FBXO40: variants seen among roughly 807,000 people sequenced by gnomAD.
FBXO40 encodes the protein F-box protein 40, also known as F-box only protein 40.
Under a neutral mutation model 49.9 loss-of-function variants are expected in FBXO40, and 50 were observed. That is an observed-to-expected ratio of 1.00 (90% CI 0.80 to 1.27). The LOEUF (loss-of-function observed/expected upper bound fraction) is 1.27. Ranked by LOEUF, FBXO40 falls within the 50% of genes most tolerant of loss-of-function variation. FBXO40 has a pLI of 0.00. For synonymous variants in FBXO40, 340 were observed against 320.2 expected (o/e 1.06, Z -0.66); for missense variants, 895 against 870.1 (o/e 1.03, Z -0.36).
chr3:121,614,567 A>G (rs1560130391), intron 1 of FBXO40, among the ~76,000 whole-genome samples: 1 of 152,226 alleles, frequency 6.6e-6, no homozygotes, highest in Non-Finnish European at 1.5e-5. Flanking sequence ...CAGGCCAGCA[A>G]CAGAAAGCAC....
chr3:121,605,051 C>A (rs543289446), intron 1 of FBXO40, among the ~76,000 whole-genome samples: 75 of 152,156 alleles, frequency 4.9e-4, no homozygotes, highest in Admixed American at 1.1e-3. Flanking sequence ...CGGCTCACTG[C>A]AACCTCTACT....
chr3:121,599,703 CACAT>C (rs1368372691), intron 1 of FBXO40, among the ~76,000 whole-genome samples: 125 of 45,662 alleles, frequency 2.7e-3, no homozygotes, highest in African/African-American at 9.6e-3. Context: ...CACACACACA[CACAT>C]ATATATATAT....
intron 1 of FBXO40, among the ~76,000 whole-genome samples, chr3:121,616,710 G>A (rs2108849424): frequency 6.6e-6 from 1 of 152,318 alleles, no homozygotes; most frequent in Admixed American, 6.5e-5. Flanking sequence ...AATGTTTGTT[G>A]AGTGGGTGAA....
intron 1 of FBXO40, among the ~76,000 whole-genome samples, chr3:121,607,618 A>C (rs925427135): frequency 6.6e-6 from 1 of 151,922 alleles, no homozygotes; most frequent in African/African-American, 2.4e-5. Flanking sequence ...CGAGACCTCT[A>C]AAGCTCTTTT....
intron 1 of FBXO40, among the ~76,000 whole-genome samples, chr3:121,615,835 G>A (rs2048994688): frequency 6.6e-6 from 1 of 152,110 alleles, no homozygotes; most frequent in South Asian, 2.1e-4. Flanking sequence ...TGGTCAGCTT[G>A]GGATGTGGCT....
At chr3:121,595,609 A>G (rs1273835444) in intron 1 of FBXO40, among the ~76,000 whole-genome samples, 1 of 152,248 alleles carries the variant, frequency 6.6e-6, no homozygotes, top group Admixed American at 6.5e-5. Context: ...GTTTTAGGAT[A>G]CAGTGAAGGT....
chr3:121,626,963 G>A lies in FBXO40; in HGVS notation c.*53G>A. 3.2e-6 allele frequency: 5 copies of A among 1,559,526 alleles called. No individual in the cohort carries two copies. The highest frequency in any genetic ancestry group is 4.4e-6 in the Non-Finnish European group (5 of 1,133,776). On this transcript the variant is annotated 3_prime_UTR_variant, in exon 4 of 4. Coordinates refer to ENST00000338040, the MANE Select transcript of FBXO40 (RefSeq NM_016298.4). ...TCTTGGATTTCTTCTCGGAGTTCCTGAAGTAGGACAGAGTGTGTGGTTTTG... is the reference window on the plus strand; with the variant it reads ...TCTTGGATTTCTTCTCGGAGTTCCTAAAGTAGGACAGAGTGTGTGGTTTTG...
intron 1 of FBXO40, among the ~76,000 whole-genome samples, chr3:121,617,107 G>A (rs2108849575): frequency 6.6e-6 from 1 of 152,240 alleles, no homozygotes; most frequent in Admixed American, 6.5e-5. Flanking sequence ...AGAGTAGGGT[G>A]ACTATAGCTA....
chr3:121,604,067 A>G (rs181040593), intron 1 of FBXO40, among the ~76,000 whole-genome samples: 15 of 152,290 alleles, frequency 9.8e-5, no homozygotes, highest in African/African-American at 3.6e-4. Flanking sequence ...GGTTCCTCTA[A>G]CATATTTCCC....
chr3:121,621,584 C>CAGAG lies in FBXO40; in HGVS notation c.156_159dup (p.His54ArgfsTer56), dbSNP rs1439958581. ...GCCACCTTCCACATGTGCAAAGAGG[C>CAGAG]AGAGCACCAGCTCCTCTGCCCTTTA... On this transcript the variant is annotated frameshift_variant, in exon 3 of 4. Coordinates refer to ENST00000338040, the MANE Select transcript of FBXO40 (RefSeq NM_016298.4). LOFTEE classifies it high-confidence loss of function. The CAGAG allele has an allele frequency of 6.2e-7, 1 of 1,614,220 alleles. No homozygotes were observed. Among genetic ancestry groups the CAGAG allele is most frequent in the Non-Finnish European group, 8.5e-7 (1 of 1,180,032 alleles).
At position 121,628,624 on chromosome 3, in the gene FBXO40, T is replaced by C. The variant is rs1461577072; in HGVS notation, c.*1714T>C. ...TATTGGGGAGCAAAATGGCTCCCCG[T>C]TGAAAATCCCTAAAGGATGTCATAC... On this transcript the variant is annotated 3_prime_UTR_variant, in exon 4 of 4. Coordinates refer to ENST00000338040, the MANE Select transcript of FBXO40 (RefSeq NM_016298.4). The C allele has an allele frequency of 3.9e-5, 6 of 152,208 alleles. No individual in the cohort carries two copies. The highest frequency in any genetic ancestry group is 1.4e-4 in the African/African-American group (6 of 41,454). 9.4% of individuals were successfully genotyped at this position (152,208 alleles called of 1,614,324 possible). A position where few individuals can be genotyped will look rare whatever the true frequency, so the allele number is the denominator to read the frequency against.
chr3:121,623,435 G>T, intron 3 of FBXO40, 92 bp downstream of exon 3: 20 of 1,045,788 alleles, frequency 1.9e-5, no homozygotes, highest in Non-Finnish European at 2.5e-5. Context: ...CCAGGCAAAA[G>T]TGCAGTGGTG....
At chr3:121,611,195 A>G (rs1560129341) in intron 1 of FBXO40, among the ~76,000 whole-genome samples, 1 of 152,242 alleles carries the variant, frequency 6.6e-6, no homozygotes, top group Non-Finnish European at 1.5e-5. Flanking sequence ...GAGACAAAGT[A>G]TAGAGAAACA....
chr3:121,616,450 G>GC (rs1222879838), intron 1 of FBXO40, among the ~76,000 whole-genome samples: 2 of 152,174 alleles, frequency 1.3e-5, no homozygotes, highest in African/African-American at 2.4e-5. Context: ...GGAGCTACTA[G>GC]CCACAAATGG....
Position 121,622,376 on chromosome 3 carries a change from G to A in FBXO40, c.947G>A (p.Arg316Gln), listed in dbSNP as rs375409362. The change falls in exon 3 of 4, where the codon CGG becomes CAG. Residue 316 changes from arginine to glutamine, a missense_variant. Arg to Gln is a conservative substitution (Grantham distance 43). Transcript: ENST00000338040. ...DYNMYLVHNG[R>Q]MLIHFGQMPA... ...AACATGTATCTAGTGCACAATGGGCGGATGCTGATACACTTTGGTCAGATG... is the reference window on the plus strand; with the variant it reads ...AACATGTATCTAGTGCACAATGGGCAGATGCTGATACACTTTGGTCAGATG... 7.4e-6 allele frequency: 12 copies of A among 1,614,050 alleles called. No individual in the cohort carries two copies. Among genetic ancestry groups the A allele is most frequent in the East Asian group, 4.5e-5 (2 of 44,878 alleles).
intron 1 of FBXO40, among the ~76,000 whole-genome samples, chr3:121,619,822 A>G (rs988766436): frequency 2.6e-5 from 4 of 152,140 alleles, no homozygotes; most frequent in African/African-American, 9.7e-5. Flanking sequence ...CCTTCTAACC[A>G]CTAAACCATA....
At chr3:121,593,870 C>T (rs2048855984) in intron 1 of FBXO40, among the ~76,000 whole-genome samples, 1 of 152,064 alleles carries the variant, frequency 6.6e-6, no homozygotes, top group Admixed American at 6.6e-5. Flanking sequence ...TTTCTATTCC[C>T]TTTTCTTTCT....
At chr3:121,610,579 C>T (rs564531829) in intron 1 of FBXO40, among the ~76,000 whole-genome samples, 2 of 152,280 alleles carry the variant, frequency 1.3e-5, no homozygotes, top group African/African-American at 4.8e-5. Context: ...CAAATCTTCT[C>T]ATTGCTTCAA....
chr3:121,611,046 C>T (rs1055263058), intron 1 of FBXO40, among the ~76,000 whole-genome samples: 2 of 152,202 alleles, frequency 1.3e-5, no homozygotes, highest in African/African-American at 2.4e-5. Context: ...TGCTTTTCTT[C>T]TTCTGTGAAG....
Sources: allele counts gnomAD v4.1 joint callset (sites outside exome capture counted in the v4.1 genomes callset), GRCh38; gene constraint gnomAD v4.1.1; transcripts MANE v1.5; gene names NCBI Gene and HGNC (gene_info 2026-07-23, HGNC 2026-07-21).